Variants in APC observed in about 807,000 individuals in gnomAD.
APC encodes adenomatous polyposis coli protein.
A neutral mutation model predicts 247.0 loss-of-function variants in APC; 72 were observed. The ratio of observed to expected loss-of-function variants is 0.29; its 90% CI spans 0.24 to 0.35. The LOEUF is 0.35. APC is among the 10% of genes least tolerant of loss of function. The probability of loss-of-function intolerance (pLI) is 1.00; values close to 1 mark genes in which losing one functional copy is unlikely to be tolerated. For missense variants in APC, 3,400 were observed against 3,360.7 expected (o/e 1.01, Z -0.29); for synonymous variants, 1,254 against 1,162.5 (o/e 1.08, Z -1.60).
intron 1 of APC, among the ~76,000 whole-genome samples, chr5:112,725,266 C>T (rs556838748): frequency 6.6e-6 from 1 of 152,228 alleles, no homozygotes; most frequent in African/African-American, 2.4e-5. Context: ...AGCCACTGCA[C>T]CCAACCAGAT....
chr5:112,795,848 G>C (rs1580436297), intron 7 of APC, among the ~76,000 whole-genome samples: 1 of 152,090 alleles, frequency 6.6e-6, no homozygotes, highest in Non-Finnish European at 1.5e-5. Context: ...AAGACCCAGG[G>C]GATATAATAC....
rs756664931 is a variant in APC at position 112,839,721 on chromosome 5, A to G, written c.4127A>G (p.Tyr1376Cys). The change falls in exon 16 of 16, where the codon TAT (tyrosine) becomes TGT (cysteine). Residue 1376 changes from tyrosine to cysteine, a missense_variant. Coordinates refer to ENST00000257430, the MANE Select transcript of APC (RefSeq NM_000038.6). The surrounding 1 kb of genome is among the most constrained non-coding windows in gnomAD (Gnocchi z 5.0). The stretch of plus-strand genomic sequence containing the variant: ...ACACCCAAAAGTCCACCTGAACACT[A>G]TGTTCAGGAGACCCCACTCATGTTT... ...AQTPKSPPEH[Y>C]VQETPLMFSR... The G allele has an allele frequency of 6.8e-6, 11 of 1,614,038 alleles. No homozygotes were observed. Among genetic ancestry groups the G allele is most frequent in the South Asian group, 1.1e-5 (1 of 91,068 alleles).
chr5:112,817,889 G>A (rs1254278819), intron 9 of APC, among the ~76,000 whole-genome samples: 1 of 152,108 alleles, frequency 6.6e-6, no homozygotes, highest in Non-Finnish European at 1.5e-5. Context: ...ACCTAGCTCC[G>A]ATGAAAACCC....
At position 112,707,697 on chromosome 5, in the gene APC, TCTCGGGC is replaced by T. The variant is rs1199404837; in HGVS notation, c.-15_-9del. ...AGGAAGGTGAAGCACTCAGTTGCCT[TCTCGGGC>T]CTCGGCGCCCCCTATGTACGCCTCC... On this transcript the variant is annotated 5_prime_UTR_variant, in exon 1 of 14. Coordinates refer to the APC transcript ENST00000507379. 7.3e-7 allele frequency: 1 copy of T among 1,370,590 alleles called. No homozygotes were observed. The highest frequency in any genetic ancestry group is 9.6e-7 in the Non-Finnish European group (1 of 1,038,762). The allele number at this position is 1,370,590 out of a possible 1,614,324, so 84.9% of individuals were successfully genotyped here.
In APC at chr5:112,835,037, T is replaced by C. The variant is rs2149842219; in HGVS notation, c.1830T>C (p.Asp610=). The C allele has an allele frequency of 6.2e-7, 1 of 1,614,170 alleles. No homozygotes were observed. Among genetic ancestry groups the C allele is most frequent in the South Asian group, 1.1e-5 (1 of 91,084 alleles). ...ATAAAGCTGATATATGTGCTGTAGA[T>C]GGTGCACTTGCATTTTTGGTTGGCA... ...TENKADICAV[D]GALAFLVGTL... Residue 610 remains aspartate, a synonymous_variant, in exon 15 of 16, where the codon GAT becomes GAC. Transcript: ENST00000257430.
intron 8 of APC, among the ~76,000 whole-genome samples, chr5:112,809,581 T>C (rs893018070): frequency 2.8e-5 from 4 of 144,580 alleles, no homozygotes; most frequent in African/African-American, 1.0e-4. Flanking sequence ...GACTAAAAAA[T>C]CACCTTGGGT....
chr5:112,810,065 G>C, intron 8 of APC: 1 of 449,568 alleles, frequency 2.2e-6, no homozygotes, highest in East Asian at 7.0e-5. Flanking sequence ...GCCCAAGAGA[G>C]AAAAGATCGT....
intron 5 of APC, chr5:112,778,046 G>T: frequency 4.9e-6 from 1 of 205,968 alleles, no homozygotes; most frequent in East Asian, 1.3e-4. Context: ...TCCGCTTAAG[G>T]AAATATCCCA....
chr5:112,725,812 A>C (rs1012115235), intron 1 of APC, among the ~76,000 whole-genome samples: 2 of 152,218 alleles, frequency 1.3e-5, no homozygotes, highest in Non-Finnish European at 2.9e-5. Context: ...TGGAATTCCC[A>C]AGTATTTTGT....
chr5:112,773,920 A>G (rs1757320213), intron 4 of APC, among the ~76,000 whole-genome samples: 1 of 152,212 alleles, frequency 6.6e-6, no homozygotes. Flanking sequence ...CCATTTAAAA[A>G]AACTAGACAT....
intron 1 of APC, among the ~76,000 whole-genome samples, chr5:112,740,004 A>G (rs1471663076): frequency 6.6e-6 from 1 of 152,182 alleles, no homozygotes; most frequent in Non-Finnish European, 1.5e-5. Flanking sequence ...TAAGTCTTCT[A>G]TTTTATTCTA....
intron 11 of APC, among the ~76,000 whole-genome samples, chr5:112,824,954 T>C (rs576599450): frequency 8.5e-5 from 13 of 152,198 alleles, no homozygotes; most frequent in Non-Finnish European, 1.9e-4. Flanking sequence ...TTTGAGTTTT[T>C]TCCCTGAGTT....
intron 9 of APC, among the ~76,000 whole-genome samples, chr5:112,817,469 C>G (rs1237982202): frequency 2.0e-5 from 3 of 152,060 alleles, no homozygotes; most frequent in Non-Finnish European, 4.4e-5. Flanking sequence ...TATCTCTGGT[C>G]CTCTCCAAAA....
At position 112,783,687 on chromosome 5, in the gene APC, T is replaced by G. The variant is rs181806642; in HGVS notation, c.645+2784T>G. The stretch of plus-strand genomic sequence containing the variant: ...GTGCACATCTGTAGACCTAGTTACT[T>G]GGGAGGCTGAGGCTGAGGAGGATCC... On this transcript the variant is annotated intron_variant, in intron 6 of 15. Transcript: ENST00000257430. 1,054 of 228,460 alleles carry G rather than the reference T, an allele frequency of 4.6e-3. 8 individuals carry two copies. The highest frequency in any genetic ancestry group is 8.1e-3 in the Middle Eastern group (4 of 492). The allele number at this position is 228,460 out of a possible 1,614,324, so 14.2% of individuals were successfully genotyped here.
chr5:112,828,034 C>CT (rs1206341632), intron 13 of APC, 28 bp downstream of exon 13: 3 of 1,584,796 alleles, frequency 1.9e-6, no homozygotes, highest in Non-Finnish European at 2.6e-6. Context: ...ACCTGTTTTT[C>CT]TTTTTTCTCT....
At chr5:112,768,038 T>A (rs924595363) in intron 4 of APC, among the ~76,000 whole-genome samples, 5 of 150,424 alleles carry the variant, frequency 3.3e-5, no homozygotes, top group Admixed American at 1.3e-4. Context: ...ATAGTAAGAC[T>A]CTTTCTTTTT....
upstream of APC, among the ~76,000 whole-genome samples, chr5:112,737,133 C>G (rs1752440803): frequency 6.6e-6 from 1 of 152,174 alleles, no homozygotes; most frequent in African/African-American, 2.4e-5. Context: ...ATTAAAGCCT[C>G]AGATTTGTAG....
chr5:112,736,616 T>G (rs559788700), upstream of APC, among the ~76,000 whole-genome samples: 76 of 152,198 alleles, frequency 5.0e-4, no homozygotes, highest in Admixed American at 2.0e-3. Flanking sequence ...TATGCTTCAT[T>G]TAAAAACTTT....
At chr5:112,707,813 C>T (rs1446044641) in exon 1 of APC, 1 of 1,370,662 alleles carries the variant, frequency 7.3e-7, no homozygotes, top group Non-Finnish European at 9.6e-7. Context: ...GCAGCAGGAG[C>T]TGCGTCCGGC....
Sources: gnomAD v4.1 joint callset for allele counts (sites outside exome capture counted in the v4.1 genomes callset) on GRCh38, gnomAD v4.1.1 for gene constraint, Gnocchi (gnomAD v3.1) non-coding constraint, MANE v1.5 for transcripts, NCBI Gene and HGNC (gene_info 2026-07-23, HGNC 2026-07-21) for gene names.